The following PRKD1 variants were observed in gnomAD, a reference collection of about 807,000 sequenced individuals.
PRKD1 encodes protein kinase D1.
A neutral mutation model predicts 95.9 loss-of-function variants in PRKD1; 63 were observed. The ratio of observed to expected loss-of-function variants is 0.66; its 90% confidence interval spans 0.54 to 0.81. The LOEUF (loss-of-function observed/expected upper bound fraction) is 0.81, where lower values mean the gene tolerates loss of function less well. PRKD1 is among the 30% of genes least tolerant of loss of function. PRKD1 has a pLI of 0.00. For missense variants in PRKD1, 1,048 were observed against 1,165.3 expected, an observed-to-expected ratio of 0.90 and a Z score of 1.47; for synonymous variants, 425 against 423.1, an observed-to-expected ratio of 1.00 and a Z score of -0.05.
chr14:29,806,228 A>G (rs1439919708), intron 1 of PRKD1, among the ~76,000 whole-genome samples: 1 of 152,216 alleles, frequency 6.6e-6, no homozygotes, highest in African/African-American at 2.4e-5. Context: ...AACTGGGCCC[A>G]TTGCTGGGTC....
intron 2 of PRKD1, among the ~76,000 whole-genome samples, chr14:29,671,076 G>GA (rs45542346): frequency 1.6e-3 from 243 of 150,544 alleles, no homozygotes; most frequent in African/African-American, 5.2e-3. Flanking sequence ...AGCCAAGAGA[G>GA]AAAAAAAAAT....
chr14:29,913,080 C>A (rs879895227), intron 1 of PRKD1, among the ~76,000 whole-genome samples: 1 of 152,170 alleles, frequency 6.6e-6, no homozygotes. Flanking sequence ...AATTAGCTTA[C>A]GAAATGAATT....
intron 2 of PRKD1, among the ~76,000 whole-genome samples, chr14:29,702,703 T>A (rs967860741): frequency 6.6e-6 from 1 of 152,126 alleles, no homozygotes; most frequent in Non-Finnish European, 1.5e-5. Flanking sequence ...ATTTTGTAAT[T>A]CCCTTATTTT....
At chr14:29,926,082 T>C (rs917465600) in intron 1 of PRKD1, among the ~76,000 whole-genome samples, 5 of 152,260 alleles carry the variant, frequency 3.3e-5, no homozygotes, top group Non-Finnish European at 5.9e-5. Flanking sequence ...TACCTTAGTC[T>C]AGAACTTTCA....
At chr14:29,903,418 G>A (rs1894388370) in intron 1 of PRKD1, among the ~76,000 whole-genome samples, 1 of 152,136 alleles carries the variant, frequency 6.6e-6, no homozygotes, top group South Asian at 2.1e-4. Flanking sequence ...TATTCATACA[G>A]GCTCTCTCTC....
At chr14:29,691,921 T>C (rs1884260080) in intron 2 of PRKD1, among the ~76,000 whole-genome samples, 1 of 152,148 alleles carries the variant, frequency 6.6e-6, no homozygotes, top group South Asian at 2.1e-4. Context: ...AAGGAGGTTT[T>C]CCCCTCCCAC....
rs370602924 is a variant in PRKD1, at chr14:29,632,701, C to A, written c.1392+168G>T. On this transcript the variant is annotated intron_variant, in intron 9 of 17. Coordinates refer to ENST00000331968, the MANE Select transcript of PRKD1 (RefSeq NM_002742.3). ...CACAGAAGAATCAAGAGGTCCCAAC[C>A]TGAATCCCAAGAAATTTGTAGACTA... Among the ~76,000 whole-genome samples, 44 of 152,138 alleles carry A rather than the reference C, an allele frequency of 2.9e-4. 1 individual carries two copies. The highest frequency in any genetic ancestry group is 1.0e-3 in the African/African-American group (43 of 41,512).
chr14:29,618,924 G>A (rs1443661348), intron 13 of PRKD1, among the ~76,000 whole-genome samples: 2 of 152,124 alleles, frequency 1.3e-5, no homozygotes, highest in African/African-American at 4.8e-5. Flanking sequence ...TGACTGAGGA[G>A]GATTTTGCCC....
At position 29,634,443 on chromosome 14, in the gene PRKD1, ACCAT is replaced by A; in HGVS notation, c.1285_1288del (p.Met429SerfsTer48). ...CAGCGTGTCCTTGCTGGTGTAGTGG[ACCAT>A]CCATCCTTCTTTCATGACTGTGCTG... On this transcript the variant is annotated frameshift_variant, in exon 8 of 18. Transcript: ENST00000331968. LOFTEE classifies it high-confidence loss of function. 1 of 1,613,976 alleles carries A rather than the reference ACCAT, an allele frequency of 6.2e-7. No individual in the cohort carries two copies. Among genetic ancestry groups the A allele is most frequent in the Non-Finnish European group, 8.5e-7 (1 of 1,179,930 alleles).
intron 1 of PRKD1, among the ~76,000 whole-genome samples, chr14:29,786,594 C>T (rs1889285211): frequency 6.6e-6 from 1 of 152,106 alleles, no homozygotes; most frequent in South Asian, 2.1e-4. Flanking sequence ...AAGAATTTGC[C>T]TGTTTCCTAC....
chr14:29,923,023 G>A (rs1895176785), intron 1 of PRKD1, among the ~76,000 whole-genome samples: 1 of 151,970 alleles, frequency 6.6e-6, no homozygotes, highest in Non-Finnish European at 1.5e-5. Flanking sequence ...TTGATCCCAG[G>A]AGTTCCAGAC....
chr14:29,738,694 G>T (rs1391782755), intron 1 of PRKD1, among the ~76,000 whole-genome samples: 1 of 152,026 alleles, frequency 6.6e-6, no homozygotes, highest in East Asian at 1.9e-4. Context: ...GTAGTTCTTT[G>T]TTTCACACTA....
intron 13 of PRKD1, among the ~76,000 whole-genome samples, chr14:29,622,001 T>C (rs1446814359): frequency 6.6e-6 from 1 of 152,178 alleles, no homozygotes; most frequent in East Asian, 1.9e-4. Context: ...GTTGTCTGCA[T>C]CTAATATTTT....
At chr14:29,895,926 A>G (rs1274075302) in intron 1 of PRKD1, among the ~76,000 whole-genome samples, 1 of 152,190 alleles carries the variant, frequency 6.6e-6, no homozygotes, top group Admixed American at 6.6e-5. Flanking sequence ...TTTTATAGAT[A>G]GCACTAATTA....
intron 1 of PRKD1, among the ~76,000 whole-genome samples, chr14:29,733,331 T>C (rs1886549191): frequency 1.3e-5 from 2 of 152,100 alleles, no homozygotes; most frequent in Admixed American, 1.3e-4. Flanking sequence ...CTCCATCTCC[T>C]GGCCTCGTGA....
chr14:29,883,889 C>T (rs547154759), intron 1 of PRKD1, among the ~76,000 whole-genome samples: 1 of 152,210 alleles, frequency 6.6e-6, no homozygotes, highest in Admixed American at 6.5e-5. Flanking sequence ...AGCATCTGAC[C>T]CTGTTAGGTG....
intron 1 of PRKD1, among the ~76,000 whole-genome samples, chr14:29,896,386 A>ACC (rs1555354760): frequency 6.6e-6 from 1 of 151,584 alleles, no homozygotes; most frequent in East Asian, 1.9e-4. Flanking sequence ...ACACACACAC[A>ACC]CCCATCAAGA....
chr14:29,777,963 T>A (rs561053594), intron 1 of PRKD1, among the ~76,000 whole-genome samples: 2 of 152,166 alleles, frequency 1.3e-5, no homozygotes, highest in African/African-American at 4.8e-5. Context: ...CACAGTGCAA[T>A]CAAACTAGAA....
At chr14:29,884,561 T>C (rs1056824967) in intron 1 of PRKD1, among the ~76,000 whole-genome samples, 2 of 152,182 alleles carry the variant, frequency 1.3e-5, no homozygotes, top group Non-Finnish European at 2.9e-5. Flanking sequence ...AAAAATGATA[T>C]AAAACTATTC....
Sources: gnomAD v4.1 joint callset for allele counts (sites outside exome capture counted in the v4.1 genomes callset) on GRCh38, gnomAD v4.1.1 for gene constraint, MANE v1.5 for transcripts, NCBI Gene and HGNC (gene_info 2026-07-23, HGNC 2026-07-21) for gene names.